CDH23: variants seen among roughly 807,000 people sequenced by gnomAD.
The protein encoded by CDH23 is cadherin-23.
A neutral mutation model predicts 317.1 loss-of-function variants in CDH23; 189 were observed. The ratio of observed to expected loss-of-function variants is 0.60; its 90% CI spans 0.53 to 0.67. The LOEUF is 0.67. Ranked by LOEUF, CDH23 falls within the 30% of genes least tolerant of loss-of-function variation. The pLI is 0.00. For synonymous variants in CDH23, 1,839 were observed against 1,876.8 expected, an observed-to-expected ratio of 0.98 and a Z score of 0.52; for missense variants, 4,401 against 4,592.4, an observed-to-expected ratio of 0.96 and a Z score of 1.20.
At chr10:71,589,994 G>A (rs1859358878) in intron 9 of CDH23, among the ~76,000 whole-genome samples, 1 of 152,202 alleles carries the variant, frequency 6.6e-6, no homozygotes, top group African/African-American at 2.4e-5. Flanking sequence ...TGGCTGGTAG[G>A]TGATAGAACT....
rs1374936642 is a variant in CDH23 at position 71,807,137 on chromosome 10, A to C, written c.8179-140A>C. 3 of 1,089,012 alleles carry C rather than the reference A, an allele frequency of 2.8e-6. No homozygotes were observed. The African/African-American group carries it at 4.8e-5, about 17-fold the overall frequency. The allele number at this position is 1,089,012 out of a possible 1,614,324, so 67.5% of individuals were successfully genotyped here. A position where few individuals can be genotyped will look rare whatever the true frequency, so the allele number is the denominator to read the frequency against. ...CCATGCTTTGCTCCCTTGAGGTTAC[A>C]ACGGTTCTACTCACCCCATAAGGCC... On this transcript the variant is annotated intron_variant, in intron 57 of 69. Transcript: ENST00000224721.
Position 71,577,761 on chromosome 10 carries a change from G to A in CDH23, c.754-153G>A, listed in dbSNP as rs1001120683. Among the ~76,000 whole-genome samples the A allele has an allele frequency of 3.9e-5, 6 of 152,182 alleles. No individual in the cohort carries two copies. The East Asian group carries it at 9.6e-4, about 24-fold the overall frequency. On this transcript the variant is annotated intron_variant, in intron 8 of 69. Coordinates refer to ENST00000224721, the MANE Select transcript of CDH23 (RefSeq NM_022124.6). ...CCTGGGAACTGCAGTGTGTGCCCAG[G>A]GCAGCTGATGCCTGAGCCCTTGGCA...
chr10:71,693,617 A>G (rs1865266220), intron 20 of CDH23, among the ~76,000 whole-genome samples: 1 of 152,204 alleles, frequency 6.6e-6, no homozygotes, highest in Non-Finnish European at 1.5e-5. Context: ...GACTGTATAA[A>G]TAAACAGTGC....
chr10:71,482,427 C>T (rs1044036595), intron 3 of CDH23, among the ~76,000 whole-genome samples: 5 of 152,226 alleles, frequency 3.3e-5, no homozygotes, highest in African/African-American at 1.2e-4. Flanking sequence ...CTATCTTCTT[C>T]TTCTTAGCAT....
Position 71,732,260 on chromosome 10 carries a change from C to T in CDH23, c.3989C>T (p.Thr1330Ile), listed in dbSNP as rs2132825679. 6.2e-7 allele frequency: 1 copy of T among 1,613,752 alleles called. No individual in the cohort carries two copies. Among genetic ancestry groups the T allele is most frequent in the Non-Finnish European group, 8.5e-7 (1 of 1,179,750 alleles). Residue 1330 changes from threonine to isoleucine, a missense_variant, in exon 32 of 70, where the codon ACT becomes ATT. Transcript: ENST00000224721. Reference protein sequence around the residue: ...AAILENLALGTEIVRVQAYSI... With the variant: ...AAILENLALGIEIVRVQAYSI... Reference sequence around the variant, plus strand: ...ATCCTGGAGAATCTGGCACTGGGTACTGAGATTGTGCGGGTCCAGGCCTAC... The same window carrying T: ...ATCCTGGAGAATCTGGCACTGGGTATTGAGATTGTGCGGGTCCAGGCCTAC...
chr10:71,763,214 C>A (rs1367769287), intron 38 of CDH23, among the ~76,000 whole-genome samples: 1 of 152,204 alleles, frequency 6.6e-6, no homozygotes, highest in Non-Finnish European at 1.5e-5. Flanking sequence ...CCCTCTGTTG[C>A]CCAGGCTGAC....
intron 3 of CDH23, among the ~76,000 whole-genome samples, chr10:71,498,385 G>A (rs1853091307): frequency 6.6e-6 from 1 of 152,198 alleles, no homozygotes; most frequent in Non-Finnish European, 1.5e-5. Flanking sequence ...GTGAAGGGCA[G>A]GGATGCAGTT....
chr10:71,712,777 C>T lies in CDH23; in HGVS notation c.3333C>T (p.Val1111=). The change falls in exon 28 of 70, where the codon GTC becomes GTT. Residue 1111 remains valine (V), a synonymous_variant. Coordinates refer to ENST00000224721, the MANE Select transcript of CDH23 (RefSeq NM_022124.6). ...TGCAGAGCAGCTATGAGGCCAGCGTCCCTGAGGACATCCCTGAAGGCCACA... is the reference window on the plus strand; with the variant it reads ...TGCAGAGCAGCTATGAGGCCAGCGTTCCTGAGGACATCCCTGAAGGCCACA... ...IFLQSSYEAS[V]PEDIPEGHSI... 6.2e-7 allele frequency: 1 copy of T among 1,613,082 alleles called. No homozygotes were observed. The highest frequency in any genetic ancestry group is 8.5e-7 in the Non-Finnish European group (1 of 1,179,666).
rs373850657 is a variant in CDH23 at position 71,694,306 on chromosome 10, G to A, written c.2289+47G>A. ...GCCCCAGCTCCCCCTCGCCGGCCAG[G>A]CTGCTGCTCCCTGCTTGTACCTCTG... On this transcript the variant is annotated intron_variant, in intron 21 of 69. Coordinates refer to ENST00000224721, the MANE Select transcript of CDH23 (RefSeq NM_022124.6). The A allele has an allele frequency of 9.0e-5, 131 of 1,449,502 alleles. No individual in the cohort carries two copies. Among genetic ancestry groups the A allele is most frequent in the Non-Finnish European group, 1.1e-4 (111 of 1,043,116 alleles). 89.8% of individuals were successfully genotyped at this position (1,449,502 alleles called of 1,614,324 possible).
intron 17 of CDH23, among the ~76,000 whole-genome samples, chr10:71,680,814 T>C (rs1258440707): frequency 7.5e-6 from 1 of 133,728 alleles, no homozygotes; most frequent in African/African-American, 2.6e-5. Context: ...GTCTTTCTTT[T>C]TTTTTTTTCT....
intron 9 of CDH23, among the ~76,000 whole-genome samples, chr10:71,590,879 A>AC (rs1564673742): frequency 1.5e-5 from 2 of 132,104 alleles, no homozygotes; most frequent in Admixed American, 8.0e-5. Context: ...TCTCTAAAAA[A>AC]AAAAAAACAA....
intron 11 of CDH23, among the ~76,000 whole-genome samples, chr10:71,635,966 C>T (rs1054389144): frequency 5.3e-5 from 8 of 152,020 alleles, no homozygotes; most frequent in African/African-American, 1.9e-4. Flanking sequence ...TATAAGGGCA[C>T]TAATCCCTTT....
intron 19 of CDH23, among the ~76,000 whole-genome samples, chr10:71,688,604 G>C (rs1329732381): frequency 2.8e-5 from 4 of 144,152 alleles, no homozygotes; most frequent in South Asian, 2.3e-4. Flanking sequence ...AGTCAGGGGT[G>C]GTGGAGCCAG....
At chr10:71,800,787 A>T in intron 53 of CDH23, 32 bp downstream of exon 53, 1 of 1,609,964 alleles carries the variant, frequency 6.2e-7, no homozygotes, top group East Asian at 2.2e-5. Context: ...CAGGGATGAC[A>T]GGGACTGGGG....
intron 2 of CDH23, among the ~76,000 whole-genome samples, chr10:71,442,215 G>A (rs2132011947): frequency 6.6e-6 from 1 of 152,316 alleles, no homozygotes; most frequent in Non-Finnish European, 1.5e-5. Flanking sequence ...TGTATGGTCG[G>A]CCTGCATGTG....
rs182611272 is a variant in CDH23 at position 71,784,814 on chromosome 10, C to T, written c.5503-77C>T. The T allele has an allele frequency of 1.1e-4, 135 of 1,221,386 alleles. No individual in the cohort carries two copies. In the Middle Eastern group the frequency reaches 1.9e-3, roughly 17 times the overall value. The allele number at this position is 1,221,386 out of a possible 1,614,324, so 75.7% of individuals were successfully genotyped here. On this transcript the variant is annotated intron_variant, in intron 42 of 69. Coordinates refer to ENST00000224721, the MANE Select transcript of CDH23 (RefSeq NM_022124.6). ...CTCCCTCCCTCCATGCCGCCCTTGG[C>T]GAACCTCCTCCTCGGTTGCCATGCA...
chr10:71,730,728 C>G, intron 31 of CDH23, 124 bp downstream of exon 31: 1 of 1,386,638 alleles, frequency 7.2e-7, no homozygotes, highest in Non-Finnish European at 9.8e-7. Context: ...CATGTCTAGG[C>G]CAGGGAGGGG....
intron 17 of CDH23, among the ~76,000 whole-genome samples, chr10:71,680,476 G>T (rs758408868): frequency 2.0e-5 from 3 of 152,116 alleles, no homozygotes; most frequent in Non-Finnish European, 4.4e-5. Context: ...TGACCAGCGC[G>T]GTGGCTCACG....
chr10:71,815,346 G>C lies in CDH23; in HGVS notation c.*68G>C, dbSNP rs527311705. 461 of 1,426,734 alleles carry C rather than the reference G, an allele frequency of 3.2e-4. 1 individual carries two copies. In the African/African-American group the frequency reaches 5.1e-3, roughly 16 times the overall value. The allele number at this position is 1,426,734 out of a possible 1,614,324, so 88.4% of individuals were successfully genotyped here. On this transcript the variant is annotated 3_prime_UTR_variant, in exon 70 of 70. Coordinates refer to ENST00000224721, the MANE Select transcript of CDH23 (RefSeq NM_022124.6). ...CGTCCCCTCCCAGGGAGCAAGGGCAGGGACAGGGCCGGTCGGGGGGGACCC... is the reference window on the plus strand; with the variant it reads ...CGTCCCCTCCCAGGGAGCAAGGGCACGGACAGGGCCGGTCGGGGGGGACCC...
Sources: allele counts gnomAD v4.1 joint callset (sites outside exome capture counted in the v4.1 genomes callset), GRCh38; gene constraint gnomAD v4.1.1; transcripts MANE v1.5; gene names NCBI Gene and HGNC (gene_info 2026-07-23, HGNC 2026-07-21).